The following OR10H1 variants were observed in gnomAD, a reference collection of about 807,000 sequenced individuals.
The protein encoded by OR10H1 is olfactory receptor 10H1.
A neutral mutation model predicts 13.1 loss-of-function variants in OR10H1; 12 were observed. That is an observed-to-expected ratio of 0.92 (90% CI 0.59 to 1.48). The LOEUF (loss-of-function observed/expected upper bound fraction) is 1.48. Ranked by LOEUF, OR10H1 falls within the 40% of genes most tolerant of loss-of-function variation. OR10H1 has a pLI of 0.00. For synonymous variants in OR10H1, 168 were observed against 175.6 expected (o/e 0.96, Z 0.34); for missense variants, 363 against 413.1 (o/e 0.88, Z 1.05).
In OR10H1 at chr19:15,807,018, C is replaced by T. The variant is rs984653897; in HGVS notation, c.*63G>A. The T allele has an allele frequency of 2.9e-5, 43 of 1,480,776 alleles. No homozygotes were observed. Among genetic ancestry groups the T allele is most frequent in the East Asian group, 4.5e-5 (2 of 44,130 alleles). 91.7% of individuals were successfully genotyped at this position (1,480,776 alleles called of 1,614,324 possible). A position where few individuals can be genotyped will look rare whatever the true frequency, so the allele number is the denominator to read the frequency against. On this transcript the variant is annotated 3_prime_UTR_variant, in exon 4 of 4. Transcript: ENST00000641419. ...CTGGGATTACAGGCATGAGTCACCA[C>T]GGAACGTAATTTTTAACAATAGCCT...
At chr19:15,813,044 A>G (rs920566151) in intron 1 of OR10H1, among the ~76,000 whole-genome samples, 166 bp from the exon 2 acceptor site, 13 of 152,042 alleles carry the variant, frequency 8.6e-5, no homozygotes, top group African/African-American at 3.1e-4. Context: ...ATTTGTCAAA[A>G]CCCAGAGAAT....
rs28426969 is a variant in OR10H1, at chr19:15,807,570, C to T, written c.468G>A (p.Gly156=). ...GGAAAATGGCCGAGGTCACCACCAT[C>T]CCCATGACCAAGCCACCAGCCCAGG... The part of the protein sequence containing the change: ...GCSWAGGLVM[G]MVVTSAIFHL... Residue 156 remains glycine (G), a synonymous_variant, in exon 4 of 4, where the codon GGG becomes GGA. Transcript: ENST00000641419. 562,348 of 1,613,422 alleles carry T rather than the reference C, an allele frequency of 0.35. 101,860 individuals carry two copies. Among genetic ancestry groups the T allele is most frequent in the African/African-American group, 0.51 (38,249 of 74,964 alleles).
In OR10H1 at chr19:15,806,340, G is replaced by A. The variant is rs544934895; in HGVS notation, c.*741C>T. ...ACCTTTGTGTTTATAATTGTATGTC[G>A]TCTACAAGGTCCCTTGTAAACCTTA... On this transcript the variant is annotated 3_prime_UTR_variant, in exon 4 of 4. Transcript: ENST00000641419. 15 of 152,200 alleles carry A rather than the reference G, an allele frequency of 9.9e-5. 1 individual carries two copies. The highest frequency in any genetic ancestry group is 2.4e-4 in the African/African-American group (10 of 41,520). The allele number at this position is 152,200 out of a possible 1,614,324, so 9.4% of individuals were successfully genotyped here.
chr19:15,811,574 G>C (rs753693675), intron 2 of OR10H1, among the ~76,000 whole-genome samples: 1 of 152,108 alleles, frequency 6.6e-6, no homozygotes, highest in African/African-American at 2.4e-5. Context: ...GATCCAGAGA[G>C]TGCAGCCGCA....
Position 15,805,130 on chromosome 19 carries a change from T to C in OR10H1, c.*1951A>G, listed in dbSNP as rs973833943. The C allele has an allele frequency of 3.0e-4, 46 of 152,228 alleles. No homozygotes were observed. Among genetic ancestry groups the C allele is most frequent in the African/African-American group, 1.1e-3 (46 of 41,562 alleles). 9.4% of individuals were successfully genotyped at this position (152,228 alleles called of 1,614,324 possible). A position where few individuals can be genotyped will look rare whatever the true frequency, so the allele number is the denominator to read the frequency against. Reference sequence around the variant, plus strand: ...GTAGATTCTGGATATTAGCCCTTTGTCAGATGAGTAGATTGCAAAAATTTT... The same window carrying C: ...GTAGATTCTGGATATTAGCCCTTTGCCAGATGAGTAGATTGCAAAAATTTT... On this transcript the variant is annotated 3_prime_UTR_variant, in exon 4 of 4. Transcript: ENST00000641419.
rs757593901 is a variant in OR10H1, at chr19:15,807,815, C to T, written c.223G>A (p.Val75Met). The change falls in exon 4 of 4, where the codon GTG (valine) becomes ATG (methionine). Residue 75 changes from valine (V) to methionine (M), a missense_variant. Val to Met is a conservative substitution (Grantham distance 21). This residue lies in a region of OR10H1 where 318 missense variants were observed against 366.6 expected (regional missense o/e 0.87). Coordinates refer to ENST00000641419, the MANE Select transcript of OR10H1 (RefSeq NM_013940.4). Reference sequence around the variant, plus strand: ...GCCAGCATGCGCGGGATGATGGCCACGGTGTAGAGGATCTCGGAGACGGAG... The same window carrying T: ...GCCAGCATGCGCGGGATGATGGCCATGGTGTAGAGGATCTCGGAGACGGAG... The part of the protein sequence containing the change: ...ALSVSEILYT[V>M]AIIPRMLADL... The T allele has an allele frequency of 1.1e-5, 18 of 1,605,932 alleles. No individual in the cohort carries two copies. In the East Asian group the frequency reaches 1.8e-4, roughly 16 times the overall value.
chr19:15,811,057 G>A (rs770106527), intron 2 of OR10H1, among the ~76,000 whole-genome samples: 1 of 152,002 alleles, frequency 6.6e-6, no homozygotes, highest in Non-Finnish European at 1.5e-5. Flanking sequence ...GAGAGATGAA[G>A]GAAGAACCAG....
Position 15,807,626 on chromosome 19 carries a change from G to A in OR10H1, c.412C>T (p.Pro138Ser). ...HPLRYNVLMS[P>S]RGCACLVGCS... ...CCCACCAGGCAGGCGCAGCCCCGCG[G>A]GCTCATGAGCACGTTGTAGCGCAGG... The change falls in exon 4 of 4, where the codon CCG (proline) becomes TCG (serine). Residue 138 changes from proline (P) to serine (S), a missense_variant. Around this residue, in one of 3 missense-constraint regions of OR10H1, gnomAD observed 318 missense variants for 366.6 expected, o/e 0.87. Transcript: ENST00000641419. The A allele has an allele frequency of 6.2e-7, 1 of 1,614,186 alleles. No homozygotes were observed. Among genetic ancestry groups the A allele is most frequent in the Non-Finnish European group, 8.5e-7 (1 of 1,180,040 alleles).
In OR10H1 at chr19:15,805,935, T is replaced by A. The variant is rs1286204361; in HGVS notation, c.*1146A>T. 1 of 152,262 alleles carries A rather than the reference T, an allele frequency of 6.6e-6. No homozygotes were observed. The highest frequency in any genetic ancestry group is 1.5e-5 in the Non-Finnish European group (1 of 68,040). 9.4% of individuals were successfully genotyped at this position (152,262 alleles called of 1,614,324 possible). On this transcript the variant is annotated 3_prime_UTR_variant, in exon 4 of 4. Coordinates refer to ENST00000641419, the MANE Select transcript of OR10H1 (RefSeq NM_013940.4). ...TATTCAAGACTCACACTTGAAATTC[T>A]AAGGTTTCCTTGATGTTTAAAGAGA...
rs1352307531 is a variant in OR10H1 at position 15,807,658 on chromosome 19, C to G, written c.380G>C (p.Cys127Ser). The change falls in exon 4 of 4, where the codon TGC becomes TCC. Residue 127 changes from cysteine (C) to serine (S), a missense_variant. Cys to Ser is a moderately radical substitution (Grantham distance 112, BLOSUM62 -1). Around this residue, in one of 3 missense-constraint regions of OR10H1, gnomAD observed 318 missense variants for 366.6 expected, o/e 0.87. Transcript: ENST00000641419. ...GAGCACGTTGTAGCGCAGGGGGTGG[C>G]AGATGGCCACGTAGCGGTCGTAGCC... Reference protein sequence around the residue: ...VMGYDRYVAICHPLRYNVLMS... With the variant: ...VMGYDRYVAISHPLRYNVLMS... 1.9e-6 allele frequency: 3 copies of G among 1,614,064 alleles called. No individual in the cohort carries two copies. In the East Asian group the frequency reaches 6.7e-5, roughly 36 times the overall value.
intron 1 of OR10H1, among the ~76,000 whole-genome samples, chr19:15,814,474 TGTGTGTGAGAGAGAGAGAGAGAGAGA>T (rs1372371878): frequency 9.5e-4 from 30 of 31,450 alleles, no homozygotes; most frequent in African/African-American, 4.1e-3. Context: ...TGTGTGTGTG[TGTGTGTGAGAGAGAGAGAGAGAGAGA>T]GAGAGAGAGA....
In OR10H1 at chr19:15,814,522, A is replaced by AGAGT. The variant is rs1359573064; in HGVS notation, c.-778+1032_-778+1033insACTC. On this transcript the variant is annotated intron_variant, in intron 1 of 3. Transcript: ENST00000641419. ...GAGAGAGAGAGAGAGAGAGAGAGAG[A>AGAGT]GAGAGAGAGAGACAGGGTATCCCTC... Among the ~76,000 whole-genome samples the AGAGT allele has an allele frequency of 1.5e-3, 185 of 121,042 alleles. 1 individual carries two copies. The highest frequency in any genetic ancestry group is 6.5e-3 in the African/African-American group (178 of 27,474). 79.4% of individuals were successfully genotyped at this position (121,042 alleles called of 152,430 possible).
Position 15,812,559 on chromosome 19 carries a change from G to C in OR10H1, c.-458C>G, listed in dbSNP as rs375978299. 2.9e-5 allele frequency: 3 copies of C among 104,492 alleles called. No homozygotes were observed. Among genetic ancestry groups the C allele is most frequent in the Non-Finnish European group, 6.7e-5 (3 of 44,964 alleles). 6.5% of individuals were successfully genotyped at this position (104,492 alleles called of 1,614,324 possible). A position where few individuals can be genotyped will look rare whatever the true frequency, so the allele number is the denominator to read the frequency against. ...AAGGAAGGAGAGTGAGGGAGGAAAG[G>C]AGGAGAGTGAGGAAGGAAGAAAGGA... On this transcript the variant is annotated 5_prime_UTR_variant, in exon 2 of 4. Coordinates refer to ENST00000641419, the MANE Select transcript of OR10H1 (RefSeq NM_013940.4).
intron 1 of OR10H1, among the ~76,000 whole-genome samples, chr19:15,813,886 AAGAG>A (rs2088948994): frequency 6.6e-6 from 1 of 151,622 alleles, no homozygotes; most frequent in African/African-American, 2.4e-5. Context: ...GGTAGGGAGA[AAGAG>A]AGGACAGAGG....
Position 15,807,252 on chromosome 19 carries a change from C to T in OR10H1, c.786G>A (p.Lys262=), listed in dbSNP as rs1488416154. 2 of 1,614,076 alleles carry T rather than the reference C, an allele frequency of 1.2e-6. No homozygotes were observed. Among genetic ancestry groups the T allele is most frequent in the East Asian group, 2.2e-5 (1 of 44,874 alleles). Residue 262 remains lysine (K), a synonymous_variant, in exon 4 of 4, where the codon AAG becomes AAA. Transcript: ENST00000641419. ...CTTCCAGAGACTGGGGACTTTTGGG[C>T]TTCAGGTAAATGACGGAGGCAAAGC... ...HYGFASVIYL[K]PKSPQSLEGD...
intron 1 of OR10H1, among the ~76,000 whole-genome samples, chr19:15,813,707 GAC>G (rs1454238343): frequency 2.0e-5 from 3 of 147,566 alleles, no homozygotes; most frequent in African/African-American, 7.5e-5. Flanking sequence ...CAGGGAGAAA[GAC>G]ACAGAGAGAG....
Position 15,807,816 on chromosome 19 carries a change from G to T in OR10H1, c.222C>A (p.Thr74=), listed in dbSNP as rs1320535487. 5 of 1,605,880 alleles carry T rather than the reference G, an allele frequency of 3.1e-6. No homozygotes were observed. The African/African-American group carries it at 6.7e-5, about 21-fold the overall frequency. ...CCAGCATGCGCGGGATGATGGCCAC[G>T]GTGTAGAGGATCTCGGAGACGGAGA... ...CALSVSEILY[T]VAIIPRMLAD... The change falls in exon 4 of 4, where the codon ACC becomes ACA. Residue 74 remains threonine (T), a synonymous_variant. Coordinates refer to ENST00000641419, the MANE Select transcript of OR10H1 (RefSeq NM_013940.4).
In OR10H1 at chr19:15,805,122, G is replaced by A. The variant is rs1362115859; in HGVS notation, c.*1959C>T. On this transcript the variant is annotated 3_prime_UTR_variant, in exon 4 of 4. Transcript: ENST00000641419. Reference sequence around the variant, plus strand: ...AGTTCATTGTAGATTCTGGATATTAGCCCTTTGTCAGATGAGTAGATTGCA... The same window carrying A: ...AGTTCATTGTAGATTCTGGATATTAACCCTTTGTCAGATGAGTAGATTGCA... The A allele has an allele frequency of 6.6e-6, 1 of 151,790 alleles. No homozygotes were observed. The highest frequency in any genetic ancestry group is 2.4e-5 in the African/African-American group (1 of 41,330). 9.4% of individuals were successfully genotyped at this position (151,790 alleles called of 1,614,324 possible). A position where few individuals can be genotyped will look rare whatever the true frequency, so the allele number is the denominator to read the frequency against.
intron 1 of OR10H1, among the ~76,000 whole-genome samples, chr19:15,814,477 GTGT>G (rs1568455139): frequency 1.2e-4 from 3 of 25,198 alleles, no homozygotes; most frequent in East Asian, 6.7e-4. Flanking sequence ...GTGTGTGTGT[GTGT>G]GAGAGAGAGA....
Sources: allele counts gnomAD v4.1 joint callset (sites outside exome capture counted in the v4.1 genomes callset), GRCh38; gene constraint gnomAD v4.1.1; regional missense constraint gnomAD v4.1.1; transcripts MANE v1.5; gene names NCBI Gene and HGNC (gene_info 2026-07-23, HGNC 2026-07-21).